The following PHACTR1 variants were observed in gnomAD, a reference collection of about 807,000 sequenced individuals.
The protein encoded by PHACTR1 is phosphatase and actin regulator 1.
In PHACTR1, 16 loss-of-function variants were observed where a neutral mutation model predicts 69.2. The ratio of observed to expected loss-of-function variants is 0.23; its 90% confidence interval spans 0.16 to 0.35. The LOEUF (loss-of-function observed/expected upper bound fraction) is 0.35. Among genes scored for constraint, PHACTR1 ranks in the 10% least tolerant of loss-of-function variants. The pLI is 1.00. For synonymous variants in PHACTR1, 312 were observed against 284.5 expected, an observed-to-expected ratio of 1.10 and a Z score of -0.97; for missense variants, 510 against 734.7, an observed-to-expected ratio of 0.69 and a Z score of 3.54.
chr6:12,752,779 AC>A (rs1766785006), intron 4 of PHACTR1, among the ~76,000 whole-genome samples: 1 of 152,098 alleles, frequency 6.6e-6, no homozygotes, highest in Non-Finnish European at 1.5e-5. Context: ...TGAAGGATAT[AC>A]TTCTTCACCT....
In PHACTR1 at chr6:13,227,848, A is replaced by C; in HGVS notation, c.1019A>C (p.Tyr340Ser). The C allele has an allele frequency of 6.2e-7, 1 of 1,613,916 alleles. No homozygotes were observed. The highest frequency in any genetic ancestry group is 8.5e-7 in the Non-Finnish European group (1 of 1,179,866). Reference sequence around the variant, plus strand: ...CAGCGGGTCCCCTGTTCCACTTCTTACCACAGCTCTGGGTTGCACTCGGGT... The same window carrying C: ...CAGCGGGTCCCCTGTTCCACTTCTTCCCACAGCTCTGGGTTGCACTCGGGT... ...SEQRVPCSTS[Y>S]HSSGLHSGDG... Residue 340 changes from tyrosine to serine, a missense_variant, in exon 9 of 15, where the codon TAC becomes TCC. Coordinates refer to ENST00000332995, the MANE Select transcript of PHACTR1 (RefSeq NM_030948.6).
intron 4 of PHACTR1, among the ~76,000 whole-genome samples, chr6:12,994,844 T>C (rs1305885037): frequency 1.3e-5 from 2 of 152,168 alleles, no homozygotes; most frequent in African/African-American, 4.8e-5. Context: ...ACTACTACTT[T>C]TAGCACTATT....
At chr6:13,231,468 G>T (rs1475987186) in intron 10 of PHACTR1, among the ~76,000 whole-genome samples, 1 of 149,754 alleles carries the variant, frequency 6.7e-6, no homozygotes, top group Admixed American at 6.6e-5. Flanking sequence ...AGGAAGGAAG[G>T]AAGGAAGGAA....
chr6:13,252,615 T>TA (rs200936005), intron 10 of PHACTR1, among the ~76,000 whole-genome samples: 11,427 of 145,782 alleles, frequency 0.078, 863 homozygotes, highest in African/African-American at 0.2. Context: ...CTGCTGTTAT[T>TA]AAAAAAAAAA....
intron 4 of PHACTR1, among the ~76,000 whole-genome samples, chr6:12,969,040 T>C (rs1370441627): frequency 6.6e-6 from 1 of 152,190 alleles, no homozygotes; most frequent in Non-Finnish European, 1.5e-5. Flanking sequence ...ATGCTGCTAG[T>C]CCATGCACCA....
At chr6:13,128,970 C>T (rs1219888068) in intron 5 of PHACTR1, among the ~76,000 whole-genome samples, 1 of 152,158 alleles carries the variant, frequency 6.6e-6, no homozygotes, top group Non-Finnish European at 1.5e-5. Flanking sequence ...AGAAACCTTA[C>T]AAGTCATTAG....
chr6:12,922,634 C>G (rs980696672), intron 4 of PHACTR1, among the ~76,000 whole-genome samples: 2 of 152,210 alleles, frequency 1.3e-5, no homozygotes, highest in Non-Finnish European at 2.9e-5. Flanking sequence ...TTCAACTTTC[C>G]ATTTCACTCC....
Position 13,178,295 on chromosome 6 carries a change from C to T in PHACTR1, c.497-4224C>T, listed in dbSNP as rs114030160. ...GATCCACGGTTAGACAACACAACTT[C>T]CTGCTTCCTCATGCTGTCTGTCCCA... On this transcript the variant is annotated intron_variant, in intron 6 of 14. Transcript: ENST00000332995. 9.8e-3 allele frequency among the ~76,000 whole-genome samples: 1,492 copies of T among 152,330 alleles called. 27 individuals are homozygous for T. The highest frequency in any genetic ancestry group is 0.034 in the African/African-American group (1,399 of 41,572).
chr6:12,721,906 C>T (rs529807253), intron 3 of PHACTR1, among the ~76,000 whole-genome samples: 11 of 152,322 alleles, frequency 7.2e-5, no homozygotes, highest in African/African-American at 2.6e-4. Context: ...CGGATTCAAG[C>T]TTGTATCGAA....
intron 4 of PHACTR1, among the ~76,000 whole-genome samples, chr6:12,845,433 C>CCCCG (rs1779140291): frequency 1.9e-5 from 1 of 53,074 alleles, no homozygotes; most frequent in East Asian, 9.0e-4. Context: ...CCACCCACCC[C>CCCCG]CCCCCCCCCC....
chr6:13,201,621 A>G (rs1765248853), intron 7 of PHACTR1, among the ~76,000 whole-genome samples: 1 of 152,242 alleles, frequency 6.6e-6, no homozygotes, highest in Non-Finnish European at 1.5e-5. Flanking sequence ...ATGAGTGTCT[A>G]GACTGGTGTA....
chr6:13,094,483 G>T (rs1489743842), intron 5 of PHACTR1, among the ~76,000 whole-genome samples: 2 of 143,396 alleles, frequency 1.4e-5, no homozygotes, highest in South Asian at 2.1e-4. Context: ...TTAGTAGAGA[G>T]GGGGGGTTTC....
At chr6:13,186,298 T>C in intron 7 of PHACTR1, among the ~76,000 whole-genome samples, 1 of 152,238 alleles carries the variant, frequency 6.6e-6, no homozygotes, top group South Asian at 2.1e-4. Context: ...TACGTATTGT[T>C]TTGTCACCTG....
At chr6:13,157,784 A>T (rs1758394474) in intron 5 of PHACTR1, among the ~76,000 whole-genome samples, 2 of 152,312 alleles carry the variant, frequency 1.3e-5, no homozygotes, top group South Asian at 4.1e-4. Flanking sequence ...TCACCCAAAC[A>T]TCTGTAACAA....
chr6:12,962,166 G>T (rs1792833119), intron 4 of PHACTR1, among the ~76,000 whole-genome samples: 1 of 152,052 alleles, frequency 6.6e-6, no homozygotes. Context: ...ATACTCCTGG[G>T]CTCAAGTGAT....
intron 3 of PHACTR1, among the ~76,000 whole-genome samples, chr6:12,744,840 TAAC>T (rs1480875189): frequency 6.6e-6 from 1 of 152,208 alleles, no homozygotes; most frequent in East Asian, 1.9e-4. Flanking sequence ...CATATTTGAC[TAAC>T]AACAATTTTA....
chr6:12,940,536 T>C (rs1349993688), intron 4 of PHACTR1, among the ~76,000 whole-genome samples: 1 of 152,178 alleles, frequency 6.6e-6, no homozygotes, highest in Non-Finnish European at 1.5e-5. Context: ...GAATTCGTAA[T>C]AGATGAAAAG....
chr6:12,722,813 G>T (rs1360121994), intron 3 of PHACTR1, among the ~76,000 whole-genome samples: 1 of 152,130 alleles, frequency 6.6e-6, no homozygotes, highest in African/African-American at 2.4e-5. Flanking sequence ...AGTGAAGGAG[G>T]CTCTCTTGAT....
chr6:12,802,306 A>G (rs559359564), intron 4 of PHACTR1, among the ~76,000 whole-genome samples: 3 of 152,068 alleles, frequency 2.0e-5, no homozygotes, highest in African/African-American at 7.2e-5. Flanking sequence ...TTATAAGTTC[A>G]TACTCCTCAT....
Sources: gnomAD v4.1 joint callset for allele counts (sites outside exome capture counted in the v4.1 genomes callset) on GRCh38, gnomAD v4.1.1 for gene constraint, MANE v1.5 for transcripts, NCBI Gene and HGNC (gene_info 2026-07-23, HGNC 2026-07-21) for gene names.